The following AP3M1 variants were observed in gnomAD, a reference collection of about 807,000 sequenced individuals.
AP3M1 encodes adaptor related protein complex 3 subunit mu 1.
In AP3M1, 29 loss-of-function variants were observed where a neutral mutation model predicts 42.6. The ratio of observed to expected loss-of-function variants is 0.68; its 90% CI spans 0.51 to 0.93. The LOEUF (loss-of-function observed/expected upper bound fraction) is 0.93, where lower values mean the gene tolerates loss of function less well. Among genes scored for constraint, AP3M1 ranks in the 40% least tolerant of loss-of-function variants. The probability of loss-of-function intolerance (pLI) is 0.00; values close to 1 mark genes in which losing one functional copy is unlikely to be tolerated. For missense variants in AP3M1, 416 were observed against 510.2 expected (o/e 0.82, Z 1.78); for synonymous variants, 178 against 175.3 (o/e 1.02, Z -0.12).
Position 74,138,121 on chromosome 10 carries a change from C to T in AP3M1, c.259G>A (p.Ala87Thr), listed in dbSNP as rs753523550. ...AGATAACCAACCTGAAAAGTGTCAG[C>T]AACTCGATGTAGGAACTCAATTACA... Reference protein sequence around the residue: ...LFVIEFLHRVADTFQDYFGEC... With the variant: ...LFVIEFLHRVTDTFQDYFGEC... The change falls in exon 2 of 9, where the codon GCT (alanine) becomes ACT (threonine). Residue 87 changes from alanine to threonine, a missense_variant. By Grantham distance (58) the Ala-to-Thr change is moderately conservative (BLOSUM62 0). Transcript: ENST00000355264. The T allele has an allele frequency of 6.2e-7, 1 of 1,613,518 alleles. No individual in the cohort carries two copies. The highest frequency in any genetic ancestry group is 1.1e-5 in the South Asian group (1 of 90,988).
intron 4 of AP3M1, among the ~76,000 whole-genome samples, chr10:74,133,602 G>T (rs893892381): frequency 1.3e-5 from 2 of 151,146 alleles, no homozygotes; most frequent in African/African-American, 4.9e-5. Flanking sequence ...AAAATCATCA[G>T]ATAATGAATG....
At chr10:74,129,654 C>T (rs1840716331) in intron 5 of AP3M1, among the ~76,000 whole-genome samples, 1 of 152,108 alleles carries the variant, frequency 6.6e-6, no homozygotes, top group African/African-American at 2.4e-5. Context: ...AAAAATGATA[C>T]TGGATATTTG....
chr10:74,121,654 A>C lies in AP3M1; in HGVS notation c.*2156T>G, dbSNP rs79682050. 350 of 152,340 alleles carry C rather than the reference A, an allele frequency of 2.3e-3. No individual in the cohort carries two copies. The highest frequency in any genetic ancestry group is 7.8e-3 in the African/African-American group (325 of 41,586). 9.4% of individuals were successfully genotyped at this position (152,340 alleles called of 1,614,324 possible). ...AGAAGTGCTTTGCAGCAACACTCGC[A>C]GCTTGTGTGATGATGCAGAAGAAAA... On this transcript the variant is annotated 3_prime_UTR_variant, in exon 9 of 9. Coordinates refer to ENST00000355264, the MANE Select transcript of AP3M1 (RefSeq NM_012095.6).
chr10:74,130,060 T>C, intron 4 of AP3M1, 68 bp from the exon 5 acceptor site: 1 of 1,036,720 alleles, frequency 9.6e-7, no homozygotes, highest in Non-Finnish European at 1.5e-6. Context: ...CCTATCACTG[T>C]ATCTTTTTAT....
Position 74,133,523 on chromosome 10 carries a change from T to TG in AP3M1, c.583+503dup, listed in dbSNP as rs1840844588. The stretch of plus-strand genomic sequence containing the variant: ...TTCCAGTGAGCCAAGATCATGTGAT[T>TG]GCACTCCAGCCTGGACAACAGTGTG... On this transcript the variant is annotated intron_variant, in intron 4 of 8. Transcript: ENST00000355264. Among the ~76,000 whole-genome samples the TG allele has an allele frequency of 2.0e-5, 3 of 152,082 alleles. No individual in the cohort carries two copies. The South Asian group carries it at 6.2e-4, about 32-fold the overall frequency.
At chr10:74,137,119 G>A (rs1041543043) in intron 2 of AP3M1, among the ~76,000 whole-genome samples, 8 of 151,942 alleles carry the variant, frequency 5.3e-5, no homozygotes. Flanking sequence ...GCACACCTGT[G>A]GTCCCAGCTA....
intron 6 of AP3M1, chr10:74,128,894 C>A: frequency 2.1e-6 from 1 of 478,820 alleles, no homozygotes; most frequent in Non-Finnish European, 3.6e-6. Flanking sequence ...AGATTTTACT[C>A]TAGTCTCACT....
At chr10:74,127,564 CAGG>C (rs1591739263) in intron 6 of AP3M1, among the ~76,000 whole-genome samples, 1 of 151,528 alleles carries the variant, frequency 6.6e-6, no homozygotes, top group African/African-American at 2.4e-5. Context: ...GAGGCTGAGG[CAGG>C]AGAATCGCTT....
At position 74,122,395 on chromosome 10, in the gene AP3M1, G is replaced by A. The variant is rs903425776; in HGVS notation, c.*1415C>T. On this transcript the variant is annotated 3_prime_UTR_variant, in exon 9 of 9. Transcript: ENST00000355264. Reference sequence around the variant, plus strand: ...ACAAAGAGAATAGCATAAATAACAAGAAGGAAACATGAAGAACAAGCACTT... The same window carrying A: ...ACAAAGAGAATAGCATAAATAACAAAAAGGAAACATGAAGAACAAGCACTT... 2 of 152,102 alleles carry A rather than the reference G, an allele frequency of 1.3e-5. No individual in the cohort carries two copies. Among genetic ancestry groups the A allele is most frequent in the African/African-American group, 4.8e-5 (2 of 41,410 alleles). 9.4% of individuals were successfully genotyped at this position (152,102 alleles called of 1,614,324 possible). A position where few individuals can be genotyped will look rare whatever the true frequency, so the allele number is the denominator to read the frequency against.
intron 1 of AP3M1, among the ~76,000 whole-genome samples, chr10:74,143,590 T>C (rs1841225622): frequency 6.6e-6 from 1 of 152,204 alleles, no homozygotes; most frequent in African/African-American, 2.4e-5. Context: ...GAGTACTTAT[T>C]ATGGGCCAGA....
In AP3M1 at chr10:74,121,214, G is replaced by T. The variant is rs997791009; in HGVS notation, c.*2596C>A. 2 of 152,128 alleles carry T rather than the reference G, an allele frequency of 1.3e-5. No individual in the cohort carries two copies. The highest frequency in any genetic ancestry group is 6.6e-5 in the Admixed American group (1 of 15,264). The allele number at this position is 152,128 out of a possible 1,614,324, so 9.4% of individuals were successfully genotyped here. ...TTTGCCATTTACCATATGTTCACTG[G>T]TGCTGCCTTCCTGCTGTAGTATAAT... is the stretch of plus-strand genomic sequence containing the variant. On this transcript the variant is annotated 3_prime_UTR_variant, in exon 9 of 9. Coordinates refer to ENST00000355264, the MANE Select transcript of AP3M1 (RefSeq NM_012095.6).
Position 74,120,929 on chromosome 10 carries a change from C to A in AP3M1, c.*2881G>T, listed in dbSNP as rs75145986. The A allele has an allele frequency of 6.6e-6, 1 of 152,270 alleles. No individual in the cohort carries two copies. The highest frequency in any genetic ancestry group is 1.9e-4 in the East Asian group (1 of 5,186). 9.4% of individuals were successfully genotyped at this position (152,270 alleles called of 1,614,324 possible). Reference sequence around the variant, plus strand: ...CTTTTGGGGACATAGTCCTCTTCTTCCTTAAAGAAACACTGACTAAAATAG... The same window carrying A: ...CTTTTGGGGACATAGTCCTCTTCTTACTTAAAGAAACACTGACTAAAATAG... On this transcript the variant is annotated 3_prime_UTR_variant, in exon 9 of 9. Transcript: ENST00000355264.
intron 1 of AP3M1, among the ~76,000 whole-genome samples, chr10:74,141,505 A>G (rs1402353754): frequency 6.6e-6 from 1 of 151,700 alleles, no homozygotes; most frequent in Non-Finnish European, 1.5e-5. Context: ...CTCAAAGAAT[A>G]TATACATACA....
chr10:74,138,436 T>A lies in AP3M1; in HGVS notation c.-3-54A>T. On this transcript the variant is annotated intron_variant, in intron 1 of 8. Transcript: ENST00000355264. ...ATTATACATTAAATATCATTTAACA[T>A]ACACAAAAAGATTATACACCTTGAC... 3 of 1,501,220 alleles carry A rather than the reference T, an allele frequency of 2.0e-6. No individual in the cohort carries two copies. In the Admixed American group the frequency reaches 5.8e-5, roughly 29 times the overall value. The allele number at this position is 1,501,220 out of a possible 1,614,324, so 93.0% of individuals were successfully genotyped here.
Position 74,138,371 on chromosome 10 carries a change from G to A in AP3M1, c.9C>T (p.His3=). 6.2e-7 allele frequency: 1 copy of A among 1,609,368 alleles called. No homozygotes were observed. Residue 3 remains histidine, a synonymous_variant, in exon 2 of 9, where the codon CAC becomes CAT. Coordinates refer to ENST00000355264, the MANE Select transcript of AP3M1 (RefSeq NM_012095.6). ...CGGAACAGTTTATGAGAAATAGACT[G>A]TGGATCATTTTCTGTTGGGGCAAAG... is the stretch of plus-strand genomic sequence containing the variant. MI[H]SLFLINCSGD... is the part of the protein sequence containing the mutation.
intron 1 of AP3M1, among the ~76,000 whole-genome samples, chr10:74,148,553 A>AT (rs912202915): frequency 4.0e-4 from 61 of 151,520 alleles, no homozygotes; most frequent in Middle Eastern, 3.4e-3. Context: ...GTGTATATGT[A>AT]TTTTTTTTTA....
chr10:74,142,073 A>T (rs1170808315), intron 1 of AP3M1, among the ~76,000 whole-genome samples: 1 of 152,114 alleles, frequency 6.6e-6, no homozygotes, highest in African/African-American at 2.4e-5. Context: ...TCCTTCTATG[A>T]TAACTCATTA....
chr10:74,126,110 A>G (rs906276065), intron 7 of AP3M1, 38 bp downstream of exon 7: 2 of 1,601,944 alleles, frequency 1.2e-6, no homozygotes, highest in African/African-American at 2.7e-5. Flanking sequence ...AATAGATTGC[A>G]GAAACACTTG....
intron 6 of AP3M1, among the ~76,000 whole-genome samples, chr10:74,127,862 A>T (rs1290248549): frequency 1.3e-5 from 2 of 152,068 alleles, no homozygotes; most frequent in Non-Finnish European, 2.9e-5. Flanking sequence ...GCACTTTGGG[A>T]GGCTGAGGTG....
Sources: allele counts gnomAD v4.1 joint callset (sites outside exome capture counted in the v4.1 genomes callset), GRCh38; gene constraint gnomAD v4.1.1; transcripts MANE v1.5; gene names NCBI Gene and HGNC (gene_info 2026-07-23, HGNC 2026-07-21).